The following CYS1 variants were observed in gnomAD, a reference collection of about 807,000 sequenced individuals.
CYS1 encodes cystin 1.
CYS1 carries 5 observed loss-of-function variants against 9.6 expected under a neutral mutation model. That is an observed-to-expected ratio of 0.52 (90% confidence interval 0.27 to 1.10). The LOEUF is 1.10. Ranked by LOEUF, CYS1 falls within the 50% of genes least tolerant of loss-of-function variation. CYS1 has a pLI of 0.11. For synonymous variants in CYS1, 88 were observed against 95.7 expected (o/e 0.92, Z 0.47); for missense variants, 221 against 207.9 (o/e 1.06, Z -0.39).
chr2:10,071,514 G>A (rs1661768236), intron 1 of CYS1, among the ~76,000 whole-genome samples: 1 of 152,256 alleles, frequency 6.6e-6, no homozygotes, highest in Admixed American at 6.5e-5. Flanking sequence ...GGACGCAGGA[G>A]GAAGCAATTT....
intron 1 of CYS1, among the ~76,000 whole-genome samples, chr2:10,072,509 A>G (rs1489033819): frequency 6.6e-6 from 1 of 152,244 alleles, no homozygotes; most frequent in Admixed American, 6.5e-5. Flanking sequence ...ATATGTATGT[A>G]TGTACATACA....
At chr2:10,073,699 G>C (rs1661806070) in intron 1 of CYS1, among the ~76,000 whole-genome samples, 1 of 152,180 alleles carries the variant, frequency 6.6e-6, no homozygotes, top group Non-Finnish European at 1.5e-5. Context: ...CCAGAGTCTA[G>C]TTAGGGTCTG....
chr2:10,064,147 C>T (rs1661664245), intron 2 of CYS1, among the ~76,000 whole-genome samples: 1 of 152,004 alleles, frequency 6.6e-6, no homozygotes, highest in African/African-American at 2.4e-5. Flanking sequence ...TGCTTGAACC[C>T]GGGTGGTGGA....
chr2:10,066,210 C>T (rs942168039), intron 1 of CYS1, among the ~76,000 whole-genome samples: 2 of 152,248 alleles, frequency 1.3e-5, no homozygotes, highest in Admixed American at 1.3e-4. Context: ...GACTTGCTGC[C>T]TCCCAGACGG....
At chr2:10,059,643 A>G (rs10165471) in intron 2 of CYS1, among the ~76,000 whole-genome samples, 122,080 of 152,236 alleles carry the variant, frequency 0.8, 49,182 homozygotes, top group Middle Eastern at 0.88. Flanking sequence ...GCAGTGAGCC[A>G]AGAATGAGCC....
At chr2:10,073,855 A>G (rs754718731) in intron 1 of CYS1, among the ~76,000 whole-genome samples, 3 of 151,500 alleles carry the variant, frequency 2.0e-5, no homozygotes, top group African/African-American at 4.9e-5. Context: ...ACAGCCTCTC[A>G]GCAGGGCAGG....
chr2:10,064,291 G>A (rs879318272), intron 2 of CYS1, among the ~76,000 whole-genome samples: 4 of 152,168 alleles, frequency 2.6e-5, no homozygotes, highest in Non-Finnish European at 5.9e-5. Context: ...AGTACCACTG[G>A]TGAGTGGTAG....
At chr2:10,073,661 G>A (rs941579051) in intron 1 of CYS1, among the ~76,000 whole-genome samples, 2 of 152,194 alleles carry the variant, frequency 1.3e-5, no homozygotes, top group Admixed American at 6.5e-5. Context: ...CCTGTGTTGT[G>A]CACAAACCAC....
intron 1 of CYS1, among the ~76,000 whole-genome samples, chr2:10,079,121 G>C (rs1454797740): frequency 6.6e-6 from 1 of 152,190 alleles, no homozygotes; most frequent in East Asian, 1.9e-4. Context: ...ACCAGGGCCA[G>C]AGGGAGAGAG....
chr2:10,069,194 C>A (rs1035582429), intron 1 of CYS1, among the ~76,000 whole-genome samples: 7 of 152,164 alleles, frequency 4.6e-5, no homozygotes, highest in African/African-American at 1.7e-4. Context: ...CTGGAATCCA[C>A]TGTTATAATG....
chr2:10,065,513 C>T (rs1034210799), intron 2 of CYS1, among the ~76,000 whole-genome samples: 1 of 152,242 alleles, frequency 6.6e-6, no homozygotes, highest in African/African-American at 2.4e-5. Flanking sequence ...TGCTGTGGAG[C>T]TGCAGGTGGG....
At chr2:10,077,321 A>C (rs1473625369) in intron 1 of CYS1, among the ~76,000 whole-genome samples, 1 of 152,206 alleles carries the variant, frequency 6.6e-6, no homozygotes, top group African/African-American at 2.4e-5. Flanking sequence ...AAAACATAAT[A>C]TTCAGAATGA....
At chr2:10,065,163 C>A (rs548291655) in intron 2 of CYS1, among the ~76,000 whole-genome samples, 20 of 152,346 alleles carry the variant, frequency 1.3e-4, no homozygotes, top group African/African-American at 4.3e-4. Flanking sequence ...GCCCTCAGCA[C>A]CGCTGTGGGG....
At chr2:10,061,369 G>T (rs1167176679) in intron 2 of CYS1, among the ~76,000 whole-genome samples, 2 of 152,202 alleles carry the variant, frequency 1.3e-5, no homozygotes, top group East Asian at 3.8e-4. Flanking sequence ...CTCCCCTGAG[G>T]ATTGTTGGGA....
At position 10,058,836 on chromosome 2, in the gene CYS1, G is replaced by A; in HGVS notation, c.*17C>T. 6.5e-7 allele frequency: 1 copy of A among 1,546,032 alleles called. No homozygotes were observed. Among genetic ancestry groups the A allele is most frequent in the Non-Finnish European group, 8.7e-7 (1 of 1,143,188 alleles). On this transcript the variant is annotated 3_prime_UTR_variant, in exon 3 of 3. Coordinates refer to ENST00000381813, the MANE Select transcript of CYS1 (RefSeq NM_001037160.3). ...GCAGGTGCCTCCGAGGCCTGGCGGG[G>A]GTGGAGCATGCTGTCCTCAGCGGCA...
intron 2 of CYS1, among the ~76,000 whole-genome samples, chr2:10,061,621 C>A (rs1661628372): frequency 6.6e-6 from 1 of 152,238 alleles, no homozygotes. Flanking sequence ...ACCCGACATG[C>A]CCTGTAGGTG....
chr2:10,065,087 G>C (rs552391294), intron 2 of CYS1, among the ~76,000 whole-genome samples: 1 of 151,942 alleles, frequency 6.6e-6, no homozygotes, highest in Admixed American at 6.6e-5. Context: ...CCTGGAGCTC[G>C]CTGCTTGCAT....
intron 2 of CYS1, among the ~76,000 whole-genome samples, chr2:10,065,062 C>G (rs1426977945): frequency 6.6e-6 from 1 of 152,076 alleles, no homozygotes; most frequent in East Asian, 1.9e-4. Flanking sequence ...ATCTTAAACA[C>G]CAGTTCTGAC....
At chr2:10,079,700 C>T (rs1231516030) in intron 1 of CYS1, among the ~76,000 whole-genome samples, 1 of 151,932 alleles carries the variant, frequency 6.6e-6, no homozygotes, top group Non-Finnish European at 1.5e-5. Context: ...GCGATCGCCC[C>T]CACGCCTGGA....
Sources: gnomAD v4.1 joint callset for allele counts (sites outside exome capture counted in the v4.1 genomes callset) on GRCh38, gnomAD v4.1.1 for gene constraint, MANE v1.5 for transcripts, NCBI Gene and HGNC (gene_info 2026-07-23, HGNC 2026-07-21) for gene names.